LMTK2: variants seen among roughly 807,000 people sequenced by gnomAD.
LMTK2 encodes the protein lemur tail kinase 2.
In LMTK2, 37 loss-of-function variants were observed where a neutral mutation model predicts 127.5. The ratio of observed to expected loss-of-function variants is 0.29; its 90% CI spans 0.22 to 0.38. The LOEUF (loss-of-function observed/expected upper bound fraction) is 0.38. Ranked by LOEUF, LMTK2 falls within the 10% of genes least tolerant of loss-of-function variation. LMTK2 has a pLI of 1.00. For missense variants in LMTK2, 1,694 were observed against 1,920.3 expected, an observed-to-expected ratio of 0.88 and a Z score of 2.20; for synonymous variants, 819 against 810.1, an observed-to-expected ratio of 1.01 and a Z score of -0.19.
intron 7 of LMTK2, among the ~76,000 whole-genome samples, chr7:98,175,000 G>T (rs181550221): frequency 2.0e-5 from 3 of 152,144 alleles, no homozygotes; most frequent in Non-Finnish European, 4.4e-5. Flanking sequence ...TGATTTGATC[G>T]TCAGGGCCAC....
intron 2 of LMTK2, among the ~76,000 whole-genome samples, chr7:98,137,739 G>A (rs1796615313): frequency 6.6e-6 from 1 of 152,230 alleles, no homozygotes; most frequent in South Asian, 2.1e-4. Context: ...GCTGTAGTTT[G>A]CTCCGCCTCT....
intron 1 of LMTK2, among the ~76,000 whole-genome samples, chr7:98,119,504 T>C (rs1796333358): frequency 6.6e-6 from 1 of 152,194 alleles, no homozygotes; most frequent in South Asian, 2.1e-4. Flanking sequence ...TTGAAATAAG[T>C]ATTTTTTTAT....
In LMTK2 at chr7:98,206,001, C is replaced by G. The variant is rs1311237557; in HGVS notation, c.*509C>G. The G allele has an allele frequency of 6.4e-6, 1 of 155,646 alleles. No individual in the cohort carries two copies. The highest frequency in any genetic ancestry group is 1.4e-5 in the Non-Finnish European group (1 of 69,852). The allele number at this position is 155,646 out of a possible 1,614,324, so 9.6% of individuals were successfully genotyped here. ...CTGTGGATAAATGTTCCGAGAGTCTCCATTGTTGTACAGGATCTTCAGTTA... is the reference window on the plus strand; with the variant it reads ...CTGTGGATAAATGTTCCGAGAGTCTGCATTGTTGTACAGGATCTTCAGTTA... On this transcript the variant is annotated 3_prime_UTR_variant, in exon 14 of 14. Transcript: ENST00000297293.
At chr7:98,117,602 C>T (rs192743938) in intron 1 of LMTK2, among the ~76,000 whole-genome samples, 3 of 152,034 alleles carry the variant, frequency 2.0e-5, no homozygotes, top group South Asian at 4.2e-4. Flanking sequence ...TTGTATATTC[C>T]CTGCCCCAGT....
chr7:98,121,849 A>T (rs540350715), intron 1 of LMTK2, among the ~76,000 whole-genome samples: 206 of 152,132 alleles, frequency 1.4e-3, no homozygotes, highest in Middle Eastern at 3.4e-3. Context: ...AAAATTTTTT[A>T]AAAAAATTAG....
At chr7:98,119,214 A>G (rs565789943) in intron 1 of LMTK2, among the ~76,000 whole-genome samples, 11 of 152,286 alleles carry the variant, frequency 7.2e-5, no homozygotes, top group Admixed American at 5.9e-4. Context: ...TTCTCCCCTC[A>G]TCCCCTCACT....
intron 1 of LMTK2, among the ~76,000 whole-genome samples, chr7:98,111,367 T>C (rs1021032024): frequency 2.2e-4 from 34 of 152,162 alleles, no homozygotes; most frequent in African/African-American, 8.2e-4. Flanking sequence ...AGTAAACAAA[T>C]GAGTCCTCAA....
In LMTK2 at chr7:98,113,433, A is replaced by G. The variant is rs1796232912; in HGVS notation, c.103+6153A>G. Among the ~76,000 whole-genome samples, 10 of 152,016 alleles carry G rather than the reference A, an allele frequency of 6.6e-5. No individual in the cohort carries two copies. The South Asian group carries it at 2.1e-3, about 32-fold the overall frequency. On this transcript the variant is annotated intron_variant, in intron 1 of 13. Coordinates refer to ENST00000297293, the MANE Select transcript of LMTK2 (RefSeq NM_014916.4). ...GAGCGATTCTTTATAGCACTGTAAG[A>G]ATGGACTAATACAGCTGGCGTCTCA... is the stretch of plus-strand genomic sequence containing the variant.
chr7:98,113,675 C>A (rs1181662596), intron 1 of LMTK2, among the ~76,000 whole-genome samples: 1 of 152,188 alleles, frequency 6.6e-6, no homozygotes, highest in Non-Finnish European at 1.5e-5. Flanking sequence ...AGATGCTGGA[C>A]AACCATCTCT....
chr7:98,192,992 A>G lies in LMTK2; in HGVS notation c.2527A>G (p.Thr843Ala), dbSNP rs781342931. ...CCCAACACAGGGAGAAACCCAGCCC[A>G]CGTGTTTAGATGTTATTGTCCCGGA... is the stretch of plus-strand genomic sequence containing the variant. ...SLPTQGETQP[T>A]CLDVIVPEDC... Residue 843 changes from threonine to alanine, a missense_variant, in exon 11 of 14, where the codon ACG (threonine) becomes GCG (alanine). Coordinates refer to ENST00000297293, the MANE Select transcript of LMTK2 (RefSeq NM_014916.4). 6 of 1,614,020 alleles carry G rather than the reference A, an allele frequency of 3.7e-6. No homozygotes were observed. In the East Asian group the frequency reaches 1.3e-4, roughly 36 times the overall value.
rs188119184 is a variant in LMTK2, at chr7:98,135,740, G to A, written c.104-1575G>A. 4.4e-3 allele frequency among the ~76,000 whole-genome samples: 673 copies of A among 152,162 alleles called. 3 individuals carry two copies. The highest frequency in any genetic ancestry group is 6.7e-3 in the Admixed American group (102 of 15,290). ...ATCCTAGTTGAATAATATGTTTTCC[G>A]GATAATGAAGAACTTGCTAAAAATA... On this transcript the variant is annotated intron_variant, in intron 1 of 13. Transcript: ENST00000297293.
chr7:98,108,720 C>T (rs1202432425), intron 1 of LMTK2, among the ~76,000 whole-genome samples: 2 of 152,204 alleles, frequency 1.3e-5, no homozygotes, highest in East Asian at 3.9e-4. Context: ...TGAAAGTTAG[C>T]ACTAGTATAG....
At chr7:98,201,220 G>A (rs982456974) in intron 11 of LMTK2, among the ~76,000 whole-genome samples, 5 of 151,770 alleles carry the variant, frequency 3.3e-5, no homozygotes, top group East Asian at 1.9e-4. Context: ...CACCCTCCAC[G>A]GTCTCTCATG....
At chr7:98,200,423 T>C (rs916251005) in intron 11 of LMTK2, among the ~76,000 whole-genome samples, 1 of 152,220 alleles carries the variant, frequency 6.6e-6, no homozygotes, top group Non-Finnish European at 1.5e-5. Flanking sequence ...ACTTATAACA[T>C]GGCTTCTTTT....
At chr7:98,123,473 TG>T (rs1193002970) in intron 1 of LMTK2, among the ~76,000 whole-genome samples, 4 of 152,112 alleles carry the variant, frequency 2.6e-5, no homozygotes, top group Non-Finnish European at 5.9e-5. Context: ...TGTTGTGTCC[TG>T]GAACCCTTGT....
intron 5 of LMTK2, among the ~76,000 whole-genome samples, chr7:98,158,760 A>C (rs1796969240): frequency 6.6e-6 from 1 of 152,196 alleles, no homozygotes; most frequent in Admixed American, 6.5e-5. Flanking sequence ...AAGAGACTTA[A>C]GCATCTTTGG....
At chr7:98,204,823 G>T (rs112340408) in intron 13 of LMTK2, among the ~76,000 whole-genome samples, 3 of 152,142 alleles carry the variant, frequency 2.0e-5, no homozygotes, top group South Asian at 2.1e-4. Context: ...TCCCTCCTCC[G>T]CACTCTGTCT....
At chr7:98,111,647 C>A (rs1448279948) in intron 1 of LMTK2, among the ~76,000 whole-genome samples, 1 of 152,182 alleles carries the variant, frequency 6.6e-6, no homozygotes, top group African/African-American at 2.4e-5. Context: ...GTGGTGTACC[C>A]TCTCACACTA....
chr7:98,209,433 A>G lies in LMTK2; in HGVS notation c.*3941A>G, dbSNP rs904484439. ...GAGGACGTAGGGGGCCGTCACACCC[A>G]CCAGGCCTCCCTGCTGTGCTTTAAC... On this transcript the variant is annotated 3_prime_UTR_variant, in exon 14 of 14. Coordinates refer to ENST00000297293, the MANE Select transcript of LMTK2 (RefSeq NM_014916.4). 4 of 152,218 alleles carry G rather than the reference A, an allele frequency of 2.6e-5. No individual in the cohort carries two copies. Among genetic ancestry groups the G allele is most frequent in the Non-Finnish European group, 5.9e-5 (4 of 68,040 alleles). 9.4% of individuals were successfully genotyped at this position (152,218 alleles called of 1,614,324 possible). A position where few individuals can be genotyped will look rare whatever the true frequency, so the allele number is the denominator to read the frequency against.
Sources: allele counts gnomAD v4.1 joint callset (sites outside exome capture counted in the v4.1 genomes callset), GRCh38; gene constraint gnomAD v4.1.1; transcripts MANE v1.5; gene names NCBI Gene and HGNC (gene_info 2026-07-23, HGNC 2026-07-21).